The following CNTN5 variants were observed in gnomAD, a reference collection of about 807,000 sequenced individuals.
The protein encoded by CNTN5 is contactin-5.
In CNTN5, 77 loss-of-function variants were observed where a neutral mutation model predicts 129.1. That is an observed-to-expected ratio of 0.60 (90% CI 0.50 to 0.72). The LOEUF is 0.72. Ranked by LOEUF, CNTN5 falls within the 30% of genes least tolerant of loss-of-function variation. CNTN5 has a pLI of 0.00. For synonymous variants in CNTN5, 509 were observed against 465.6 expected, an observed-to-expected ratio of 1.09 and a Z score of -1.20; for missense variants, 1,478 against 1,328.8, an observed-to-expected ratio of 1.11 and a Z score of -1.75.
chr11:100,331,512 CCAA>C (rs1217158930), intron 21 of CNTN5, among the ~76,000 whole-genome samples: 4 of 152,086 alleles, frequency 2.6e-5, no homozygotes, highest in African/African-American at 9.7e-5. Context: ...AGCATTCTAC[CCAA>C]CAACTCCAGA....
At chr11:100,161,021 T>G (rs1947428581) in intron 13 of CNTN5, among the ~76,000 whole-genome samples, 1 of 151,972 alleles carries the variant, frequency 6.6e-6, no homozygotes, top group Non-Finnish European at 1.5e-5. Flanking sequence ...CATGTATATG[T>G]TCCAGTCATA....
intron 16 of CNTN5, among the ~76,000 whole-genome samples, chr11:100,235,027 C>A (rs1177350722): frequency 6.6e-6 from 1 of 152,018 alleles, no homozygotes; most frequent in East Asian, 1.9e-4. Context: ...GTTGTTTTTG[C>A]CTACTTATCT....
At chr11:99,788,063 G>C (rs1374296117) in intron 3 of CNTN5, among the ~76,000 whole-genome samples, 1 of 151,880 alleles carries the variant, frequency 6.6e-6, no homozygotes, top group Non-Finnish European at 1.5e-5. Flanking sequence ...TCACATTCAT[G>C]ATCAAAAGAA....
At chr11:99,051,302 T>A (rs1864416874) in intron 1 of CNTN5, among the ~76,000 whole-genome samples, 1 of 151,950 alleles carries the variant, frequency 6.6e-6, no homozygotes, top group South Asian at 2.1e-4. Flanking sequence ...GTTTAGTTGG[T>A]CCCAAAGGAA....
At chr11:99,544,042 G>T (rs1040160503) in intron 2 of CNTN5, among the ~76,000 whole-genome samples, 3 of 151,780 alleles carry the variant, frequency 2.0e-5, no homozygotes, top group Admixed American at 6.6e-5. Flanking sequence ...AATACCTGAA[G>T]TTGCATAATT....
rs150580945 is a variant in CNTN5, at chr11:100,066,613, A to G, written c.1163-3811A>G. Among the ~76,000 whole-genome samples the G allele has an allele frequency of 4.5e-4, 69 of 152,198 alleles. 1 individual carries two copies. In the East Asian group the frequency reaches 0.013, roughly 28 times the overall value. ...ACAGCTCCTGGGTTTAAAGTGCCAT[A>G]TGTCTCTTCAGTTTTCCACATCCTA... On this transcript the variant is annotated intron_variant, in intron 10 of 24. Transcript: ENST00000524871.
chr11:100,062,367 T>G (rs990083619), intron 10 of CNTN5, among the ~76,000 whole-genome samples: 12 of 152,228 alleles, frequency 7.9e-5, no homozygotes, highest in Non-Finnish European at 1.6e-4. Context: ...ATAACTGAAT[T>G]CAACCAGTCT....
chr11:99,724,268 CT>C (rs1285601017), intron 3 of CNTN5, among the ~76,000 whole-genome samples: 1 of 152,082 alleles, frequency 6.6e-6, no homozygotes, highest in African/African-American at 2.4e-5. Context: ...TTTCTGTTCT[CT>C]GCTTTTAACT....
intron 18 of CNTN5, among the ~76,000 whole-genome samples, chr11:100,285,342 T>C (rs1388901774): frequency 6.6e-6 from 1 of 152,172 alleles, no homozygotes; most frequent in Admixed American, 6.5e-5. Flanking sequence ...AAGTCTCCAC[T>C]GCAGACAGCC....
In CNTN5 at chr11:99,132,491, A is replaced by G. The variant is rs139956857; in HGVS notation, c.-210+111221A>G. ...CTTTGTTTGCAGATGACATGATCCTATATCTAGAAAACCCCATTGACTCAG... is the reference window on the plus strand; with the variant it reads ...CTTTGTTTGCAGATGACATGATCCTGTATCTAGAAAACCCCATTGACTCAG... On this transcript the variant is annotated intron_variant, in intron 1 of 24. Transcript: ENST00000524871. Among the ~76,000 whole-genome samples the G allele has an allele frequency of 1.3e-3, 196 of 152,284 alleles. 1 individual carries two copies. The highest frequency in any genetic ancestry group is 4.5e-3 in the African/African-American group (185 of 41,560).
At chr11:100,219,024 G>A (rs1428762848) in intron 15 of CNTN5, among the ~76,000 whole-genome samples, 2 of 152,156 alleles carry the variant, frequency 1.3e-5, no homozygotes, top group African/African-American at 2.4e-5. Context: ...AGGAATCAGT[G>A]CTCATACAAT....
chr11:99,490,623 A>G (rs765576372), intron 2 of CNTN5, among the ~76,000 whole-genome samples: 4 of 152,142 alleles, frequency 2.6e-5, no homozygotes, highest in Non-Finnish European at 5.9e-5. Flanking sequence ...AAGGTGAAGT[A>G]GGTTAGGAGG....
At position 100,333,642 on chromosome 11, in the gene CNTN5, G is replaced by A. The variant is rs558470087; in HGVS notation, c.2731-6821G>A. ...CCAGAAATAAAGCCAAATACTTACAGCCAACTGATCTTTGACAAATCAAAC... is the reference window on the plus strand; with the variant it reads ...CCAGAAATAAAGCCAAATACTTACAACCAACTGATCTTTGACAAATCAAAC... On this transcript the variant is annotated intron_variant, in intron 21 of 24. Transcript: ENST00000524871. Among the ~76,000 whole-genome samples the A allele has an allele frequency of 3.3e-5, 5 of 152,092 alleles. No homozygotes were observed. The East Asian group carries it at 9.7e-4, about 29-fold the overall frequency.
intron 13 of CNTN5, among the ~76,000 whole-genome samples, chr11:100,100,463 A>G (rs1035316302): frequency 6.6e-6 from 1 of 152,082 alleles, no homozygotes; most frequent in Non-Finnish European, 1.5e-5. Context: ...TTCTACAAAC[A>G]TTTACCATAG....
intron 1 of CNTN5, among the ~76,000 whole-genome samples, chr11:99,171,529 T>C (rs1301431765): frequency 6.6e-6 from 1 of 152,178 alleles, no homozygotes; most frequent in Non-Finnish European, 1.5e-5. Context: ...CCATAAAAAT[T>C]TACCTGCTCT....
chr11:100,163,329 TTC>T (rs1947521504), intron 13 of CNTN5, among the ~76,000 whole-genome samples: 1 of 151,804 alleles, frequency 6.6e-6, no homozygotes, highest in Non-Finnish European at 1.5e-5. Flanking sequence ...TTATGTTTTT[TTC>T]TGTTTTGTTT....
chr11:99,696,976 A>T (rs1326988603), intron 3 of CNTN5, among the ~76,000 whole-genome samples: 1 of 151,980 alleles, frequency 6.6e-6, no homozygotes, highest in Admixed American at 6.6e-5. Context: ...ACAGAACCAA[A>T]CAAACCCTCT....
rs77448631 is a variant in CNTN5, at chr11:99,431,726, T to A, written c.-71+106242T>A. 8.1e-3 allele frequency among the ~76,000 whole-genome samples: 1,234 copies of A among 152,304 alleles called. 14 individuals are homozygous for A. The highest frequency in any genetic ancestry group is 0.028 in the African/African-American group (1,174 of 41,564). On this transcript the variant is annotated intron_variant, in intron 2 of 24. Transcript: ENST00000524871. Reference sequence around the variant, plus strand: ...GTCTTAATCAATTTGAAGTTTATTTTGCCAGCGTTAATGACATGCCTAAAA... The same window carrying A: ...GTCTTAATCAATTTGAAGTTTATTTAGCCAGCGTTAATGACATGCCTAAAA...
chr11:99,675,137 C>T (rs923227066), intron 3 of CNTN5, among the ~76,000 whole-genome samples: 1 of 152,080 alleles, frequency 6.6e-6, no homozygotes, highest in African/African-American at 2.4e-5. Flanking sequence ...TTGGAGTAAA[C>T]ATTGCTTCAT....
Sources: allele counts gnomAD v4.1 joint callset (sites outside exome capture counted in the v4.1 genomes callset), GRCh38; gene constraint gnomAD v4.1.1; transcripts MANE v1.5; gene names NCBI Gene and HGNC (gene_info 2026-07-23, HGNC 2026-07-21).